Variants in PARP11 observed in about 807,000 individuals in gnomAD.
PARP11 encodes the protein protein mono-ADP-ribosyltransferase PARP11.
Under a neutral mutation model 42.9 loss-of-function variants are expected in PARP11, and 31 were observed. That is an observed-to-expected ratio of 0.72 (90% confidence interval 0.54 to 0.98). The LOEUF (loss-of-function observed/expected upper bound fraction) is 0.98, where lower values mean the gene tolerates loss of function less well. Among genes scored for constraint, PARP11 ranks in the 50% least tolerant of loss-of-function variants. PARP11 has a pLI of 0.00. For synonymous variants in PARP11, 137 were observed against 127.3 expected (o/e 1.08, Z -0.51); for missense variants, 365 against 413.1 (o/e 0.88, Z 1.01).
At chr12:3,842,204 C>T (rs1947903764) in intron 1 of PARP11, 2 of 1,607,646 alleles carry the variant, frequency 1.2e-6, no homozygotes, top group East Asian at 2.2e-5. Context: ...CTGGGGCCAA[C>T]TCTGTGGATA....
chr12:3,864,156 G>A (rs922458992), intron 1 of PARP11, among the ~76,000 whole-genome samples: 8 of 152,216 alleles, frequency 5.3e-5, no homozygotes, highest in South Asian at 2.1e-4. Flanking sequence ...ATCGATATTC[G>A]ATTTTGTCAA....
At chr12:3,860,552 T>A (rs148857990) in intron 1 of PARP11, among the ~76,000 whole-genome samples, 2 of 152,324 alleles carry the variant, frequency 1.3e-5, no homozygotes, top group African/African-American at 4.8e-5. Flanking sequence ...TTTGTAGCCT[T>A]AAGATTTCAT....
chr12:3,863,019 C>T (rs977059742), intron 1 of PARP11, among the ~76,000 whole-genome samples: 2 of 152,088 alleles, frequency 1.3e-5, no homozygotes, highest in Non-Finnish European at 2.9e-5. Flanking sequence ...TTATATCTTT[C>T]GACTTATTTA....
intron 1 of PARP11, among the ~76,000 whole-genome samples, chr12:3,851,335 G>C (rs1349720119): frequency 6.6e-6 from 1 of 152,180 alleles, no homozygotes; most frequent in African/African-American, 2.4e-5. Context: ...ACAAGGGATT[G>C]GGGGATTTCC....
Position 3,822,457 on chromosome 12 carries a change from G to T in PARP11, c.345-300C>A, listed in dbSNP as rs954098129. Among the ~76,000 whole-genome samples the T allele has an allele frequency of 3.5e-5, 5 of 143,524 alleles. 1 individual carries two copies. Among genetic ancestry groups the T allele is most frequent in the Admixed American group, 7.4e-5 (1 of 13,600 alleles). The allele number at this position is 143,524 out of a possible 152,430, so 94.2% of individuals were successfully genotyped here. On this transcript the variant is annotated intron_variant, in intron 4 of 7. Coordinates refer to ENST00000228820, the MANE Select transcript of PARP11 (RefSeq NM_020367.6). ...ACTAAAAATACAAAAAAATTAGCCA[G>T]GCGTGGGGGCGGGCGCCTGTAGTCC...
chr12:3,824,891 A>G (rs989453215), intron 4 of PARP11, among the ~76,000 whole-genome samples: 1 of 152,242 alleles, frequency 6.6e-6, no homozygotes, highest in Admixed American at 6.5e-5. Flanking sequence ...AGGAAATACT[A>G]TTCTCTATAT....
At chr12:3,846,144 C>T (rs1160438197) in intron 1 of PARP11, among the ~76,000 whole-genome samples, 1 of 151,874 alleles carries the variant, frequency 6.6e-6, no homozygotes, top group Non-Finnish European at 1.5e-5. Context: ...TGAATATATT[C>T]CTGTTTATTT....
intron 7 of PARP11, among the ~76,000 whole-genome samples, chr12:3,812,708 G>T (rs1329963195): frequency 6.6e-6 from 1 of 152,136 alleles, no homozygotes; most frequent in Non-Finnish European, 1.5e-5. Flanking sequence ...ATAGCTATCA[G>T]ACTTCTGTTT....
chr12:3,839,182 G>A (rs1403295668), intron 1 of PARP11, among the ~76,000 whole-genome samples: 1 of 147,262 alleles, frequency 6.8e-6, no homozygotes, highest in African/African-American at 2.4e-5. Context: ...GCCTGCCGCC[G>A]CTCGCGGAGC....
At chr12:3,845,717 T>C (rs1260005173) in intron 1 of PARP11, among the ~76,000 whole-genome samples, 1 of 152,252 alleles carries the variant, frequency 6.6e-6, no homozygotes, top group Non-Finnish European at 1.5e-5. Context: ...TTTAGAATCC[T>C]AATAATGTCT....
chr12:3,842,618 T>C, intron 1 of PARP11: 1 of 786,762 alleles, frequency 1.3e-6, no homozygotes, highest in Non-Finnish European at 2.1e-6. Flanking sequence ...TGGAACTCTT[T>C]CCTCTCCCCA....
At chr12:3,853,215 A>G (rs1300335847) in intron 1 of PARP11, among the ~76,000 whole-genome samples, 1 of 152,224 alleles carries the variant, frequency 6.6e-6, no homozygotes. Flanking sequence ...GCTAGGAAGA[A>G]ACTGCATCAA....
At chr12:3,825,257 T>A (rs1173184535) in intron 4 of PARP11, among the ~76,000 whole-genome samples, 2 of 152,234 alleles carry the variant, frequency 1.3e-5, no homozygotes, top group African/African-American at 4.8e-5. Context: ...ATATGTATTG[T>A]CTTCTGACAT....
intron 1 of PARP11, among the ~76,000 whole-genome samples, chr12:3,860,200 C>A (rs765644533): frequency 1.3e-5 from 2 of 152,086 alleles, no homozygotes; most frequent in Non-Finnish European, 2.9e-5. Flanking sequence ...ACCGCCCCAG[C>A]AGGACAACTG....
chr12:3,850,888 A>G lies in PARP11; in HGVS notation c.19-20870T>C, dbSNP rs78065773. Among the ~76,000 whole-genome samples the G allele has an allele frequency of 1.2e-3, 177 of 152,384 alleles. 2 individuals are homozygous for G. The East Asian group carries it at 0.027, about 23-fold the overall frequency. On this transcript the variant is annotated intron_variant, in intron 1 of 7. Transcript: ENST00000228820. ...ATCTGAAGAAAGAGAAGGACCAACT[A>G]TGAAAGTTCTATGTTGAAAGTAATG...
chr12:3,850,074 C>A (rs191524824), intron 1 of PARP11, among the ~76,000 whole-genome samples: 2 of 152,006 alleles, frequency 1.3e-5, no homozygotes, highest in African/African-American at 4.8e-5. Context: ...CAGGTGGGAA[C>A]AAAGCTATAT....
intron 1 of PARP11, chr12:3,842,359 G>A (rs574558498): frequency 2.4e-5 from 39 of 1,611,878 alleles, no homozygotes; most frequent in African/African-American, 4.0e-5. Context: ...TGGTAGGGGC[G>A]GATATCAACA....
chr12:3,830,863 C>T (rs928135367), intron 1 of PARP11, among the ~76,000 whole-genome samples: 3 of 152,118 alleles, frequency 2.0e-5, no homozygotes, highest in African/African-American at 7.2e-5. Flanking sequence ...ACTTAGCCGC[C>T]GTCATATACT....
Position 3,812,327 on chromosome 12 carries a change from A to G in PARP11, c.813T>C (p.Phe271=). The change falls in exon 8 of 8, where the codon TTT becomes TTC. Residue 271 remains phenylalanine (F), a synonymous_variant. Coordinates refer to ENST00000228820, the MANE Select transcript of PARP11 (RefSeq NM_020367.6). ...HGVSLQQRHL[F]RTYKSMFLAR... ...CAAGAAACATAGATTTATATGTTCT[A>G]AACAGATGCCGCTGTTGCAAGCTGA... 1 of 1,614,146 alleles carries G rather than the reference A, an allele frequency of 6.2e-7. No individual in the cohort carries two copies. Among genetic ancestry groups the G allele is most frequent in the Non-Finnish European group, 8.5e-7 (1 of 1,179,960 alleles).
Sources: gnomAD v4.1 joint callset for allele counts (sites outside exome capture counted in the v4.1 genomes callset) on GRCh38, gnomAD v4.1.1 for gene constraint, MANE v1.5 for transcripts, NCBI Gene and HGNC (gene_info 2026-07-23, HGNC 2026-07-21) for gene names.